CNTNAP2: variants seen among roughly 807,000 people sequenced by gnomAD.
The protein encoded by CNTNAP2 is contactin associated protein 2, also known as contactin-associated protein-like 2.
CNTNAP2 carries 98 observed loss-of-function variants against 155.2 expected under a neutral mutation model. The observed-to-expected ratio is 0.63, with a 90% CI of 0.54 to 0.75. The LOEUF (loss-of-function observed/expected upper bound fraction) is 0.75. Among genes scored for constraint, CNTNAP2 ranks in the 30% least tolerant of loss-of-function variants. The pLI is 0.00. For synonymous variants in CNTNAP2, 651 were observed against 631.2 expected, an observed-to-expected ratio of 1.03 and a Z score of -0.47; for missense variants, 1,727 against 1,688.1, an observed-to-expected ratio of 1.02 and a Z score of -0.40.
intron 8 of CNTNAP2, among the ~76,000 whole-genome samples, chr7:147,164,900 A>T (rs1273022741): frequency 6.6e-6 from 1 of 152,230 alleles, no homozygotes; most frequent in East Asian, 1.9e-4. Context: ...TGTTTTAGAA[A>T]TCATTTTCAT....
At position 148,415,795 on chromosome 7, in the gene CNTNAP2, T is replaced by TTTTAATATTTCTTTA. The variant is rs1249049793; in HGVS notation, c.*181_*195dup. On this transcript the variant is annotated 3_prime_UTR_variant, in exon 24 of 24. Transcript: ENST00000361727. Reference sequence around the variant, plus strand: ...AGACTGATCACAAAAAAAAAAACCTTTTTAATATTTCTTTATAGCTGAGTT... The same window carrying TTTTAATATTTCTTTA: ...AGACTGATCACAAAAAAAAAAACCTTTTTAATATTTCTTTATTTAATATTTCTTTATAGCTGAGTT... 3.0e-6 allele frequency: 2 copies of TTTTAATATTTCTTTA among 674,604 alleles called. No homozygotes were observed. The highest frequency in any genetic ancestry group is 3.7e-5 in the African/African-American group (2 of 54,314). The allele number at this position is 674,604 out of a possible 1,614,324, so 41.8% of individuals were successfully genotyped here.
chr7:148,070,986 T>G (rs553491109), intron 15 of CNTNAP2, among the ~76,000 whole-genome samples: 145 of 152,316 alleles, frequency 9.5e-4, no homozygotes, highest in African/African-American at 3.3e-3. Context: ...TTTTCTTTTT[T>G]CCAAAATTTT....
At chr7:147,554,141 G>A (rs1562994157) in intron 11 of CNTNAP2, among the ~76,000 whole-genome samples, 1 of 152,176 alleles carries the variant, frequency 6.6e-6, no homozygotes, top group African/African-American at 2.4e-5. Context: ...GTTGGATTTT[G>A]TAGGCTTTCT....
intron 3 of CNTNAP2, among the ~76,000 whole-genome samples, chr7:146,897,075 G>C (rs1423332515): frequency 6.6e-6 from 1 of 152,018 alleles, no homozygotes; most frequent in Non-Finnish European, 1.5e-5. Context: ...TTGAACACAA[G>C]TAACCTCATT....
At chr7:148,041,294 T>C (rs1219572771) in intron 15 of CNTNAP2, among the ~76,000 whole-genome samples, 1 of 152,210 alleles carries the variant, frequency 6.6e-6, no homozygotes, top group African/African-American at 2.4e-5. Context: ...AAATAGCTGA[T>C]GCAGTGTGAC....
chr7:147,823,802 T>C (rs745789313), intron 13 of CNTNAP2, among the ~76,000 whole-genome samples: 2 of 152,158 alleles, frequency 1.3e-5, no homozygotes, highest in Non-Finnish European at 2.9e-5. Context: ...GCATAGCTGG[T>C]ACTCTCACAA....
In CNTNAP2 at chr7:148,175,021, TC is replaced by T. The variant is rs568658230; in HGVS notation, c.3010+2545del. Among the ~76,000 whole-genome samples the T allele has an allele frequency of 2.8e-4, 42 of 152,246 alleles. No individual in the cohort carries two copies. The East Asian group carries it at 8.1e-3, about 29-fold the overall frequency. On this transcript the variant is annotated intron_variant, in intron 18 of 23. Coordinates refer to ENST00000361727, the MANE Select transcript of CNTNAP2 (RefSeq NM_014141.6). ...GAACATGTGGTGTTTGGTTTTCTGT[TC>T]CTGTGTTAGTTTGCTGAGAATGATG... is the stretch of plus-strand genomic sequence containing the variant.
intron 12 of CNTNAP2, among the ~76,000 whole-genome samples, chr7:147,612,503 C>T (rs980050083): frequency 1.3e-5 from 2 of 150,946 alleles, no homozygotes; most frequent in Admixed American, 6.6e-5. Context: ...CAGGTCCAAG[C>T]GATTCTCCTG....
chr7:147,586,361 A>G (rs1800621219), intron 12 of CNTNAP2, among the ~76,000 whole-genome samples: 1 of 151,944 alleles, frequency 6.6e-6, no homozygotes, highest in African/African-American at 2.4e-5. Flanking sequence ...GGAGGGTATA[A>G]GGAGGCTTAT....
At chr7:147,012,831 GC>G (rs978647397) in intron 3 of CNTNAP2, among the ~76,000 whole-genome samples, 21 of 152,104 alleles carry the variant, frequency 1.4e-4, no homozygotes, top group African/African-American at 2.4e-4. Context: ...CCCCAATCCT[GC>G]CCAAAACTAT....
chr7:146,901,057 A>G (rs1285372613), intron 3 of CNTNAP2, among the ~76,000 whole-genome samples: 3 of 148,588 alleles, frequency 2.0e-5, no homozygotes, highest in African/African-American at 4.9e-5. Context: ...AATAATAATA[A>G]TGTTTCTTTA....
chr7:146,813,156 C>A (rs541315437), intron 2 of CNTNAP2, among the ~76,000 whole-genome samples: 4 of 152,176 alleles, frequency 2.6e-5, no homozygotes, highest in Non-Finnish European at 4.4e-5. Flanking sequence ...CACACAGAGT[C>A]CCCACTGGGG....
intron 1 of CNTNAP2, among the ~76,000 whole-genome samples, chr7:146,140,485 A>G (rs961598765): frequency 1.3e-5 from 2 of 152,164 alleles, no homozygotes; most frequent in Non-Finnish European, 2.9e-5. Context: ...ATAATTAGGT[A>G]GATACTAAGA....
At chr7:146,726,754 C>A (rs897086817) in intron 1 of CNTNAP2, among the ~76,000 whole-genome samples, 1 of 152,020 alleles carries the variant, frequency 6.6e-6, no homozygotes, top group African/African-American at 2.4e-5. Context: ...TGTGAATGAC[C>A]TCATTTTACA....
At position 147,909,511 on chromosome 7, in the gene CNTNAP2, A is replaced by G. The variant is rs185620675; in HGVS notation, c.2255+5790A>G. Among the ~76,000 whole-genome samples the G allele has an allele frequency of 3.7e-3, 569 of 152,300 alleles. 4 individuals are homozygous for G. Among genetic ancestry groups the G allele is most frequent in the Non-Finnish European group, 5.2e-3 (352 of 68,038 alleles). On this transcript the variant is annotated intron_variant, in intron 14 of 23. Coordinates refer to ENST00000361727, the MANE Select transcript of CNTNAP2 (RefSeq NM_014141.6). ...GCCTGTGAGTACGATCACCATTTCA[A>G]TAATTGCCTGATTATCTATGCTGGG...
rs1427207833 is a variant in CNTNAP2 at position 148,416,023 on chromosome 7, C to A, written c.*407C>A. ...TTCTTGAGAAAAGCTAATGCACCTA[C>A]AGATGGCCCCCAACATTCTCTTCCT... On this transcript the variant is annotated 3_prime_UTR_variant, in exon 24 of 24. Coordinates refer to ENST00000361727, the MANE Select transcript of CNTNAP2 (RefSeq NM_014141.6). 4.3e-5 allele frequency: 9 copies of A among 207,786 alleles called. No homozygotes were observed. Among genetic ancestry groups the A allele is most frequent in the Non-Finnish European group, 6.8e-5 (7 of 103,396 alleles). 12.9% of individuals were successfully genotyped at this position (207,786 alleles called of 1,614,324 possible).
chr7:148,010,306 T>A (rs1437985707), intron 15 of CNTNAP2, among the ~76,000 whole-genome samples: 1 of 151,802 alleles, frequency 6.6e-6, no homozygotes. Context: ...TCCTAATCTT[T>A]GTCTTGTCTT....
chr7:147,863,789 G>A (rs942782381), intron 13 of CNTNAP2, among the ~76,000 whole-genome samples: 3 of 143,042 alleles, frequency 2.1e-5, no homozygotes, highest in Non-Finnish European at 3.1e-5. Flanking sequence ...TTTTTTTCTT[G>A]TAAATTTGTT....
At chr7:147,113,875 T>A (rs1475501135) in intron 5 of CNTNAP2, among the ~76,000 whole-genome samples, 2 of 152,210 alleles carry the variant, frequency 1.3e-5, no homozygotes, top group Non-Finnish European at 2.9e-5. Flanking sequence ...TTGTTTGCTC[T>A]TGGTTCTCTA....
Sources: allele counts gnomAD v4.1 joint callset (sites outside exome capture counted in the v4.1 genomes callset), GRCh38; gene constraint gnomAD v4.1.1; transcripts MANE v1.5; gene names NCBI Gene and HGNC (gene_info 2026-07-23, HGNC 2026-07-21).